The following SUPT3H variants were observed in gnomAD, a reference collection of about 807,000 sequenced individuals.
The protein encoded by SUPT3H is transcription initiation protein SPT3 homolog.
In SUPT3H, 44 loss-of-function variants were observed where a neutral mutation model predicts 44.3. The ratio of observed to expected loss-of-function variants is 0.99; its 90% CI spans 0.78 to 1.28. SUPT3H has a LOEUF of 1.28. SUPT3H is among the 50% of genes most tolerant of loss of function. The pLI is 0.00. For missense variants in SUPT3H, 380 were observed against 387.1 expected (o/e 0.98, Z 0.15); for synonymous variants, 124 against 125.6 (o/e 0.99, Z 0.09).
At chr6:45,295,588 G>GA (rs1165006633) in intron 2 of SUPT3H, among the ~76,000 whole-genome samples, 6 of 121,748 alleles carry the variant, frequency 4.9e-5, no homozygotes, top group African/African-American at 1.8e-4. Context: ...CAAAGTGAGA[G>GA]AAAATCTTCA....
At chr6:44,969,523 A>G (rs557394823) in intron 6 of SUPT3H, among the ~76,000 whole-genome samples, 1 of 152,316 alleles carries the variant, frequency 6.6e-6, no homozygotes, top group South Asian at 2.1e-4. Flanking sequence ...GTGCACACAT[A>G]AAAATAATCA....
intron 10 of SUPT3H, among the ~76,000 whole-genome samples, chr6:44,914,392 C>T (rs1369219056): frequency 1.3e-5 from 2 of 152,180 alleles, no homozygotes; most frequent in Non-Finnish European, 2.9e-5. Context: ...CAGCATGGTG[C>T]TAGGAGCTCA....
intron 2 of SUPT3H, among the ~76,000 whole-genome samples, chr6:45,209,181 T>A (rs1489811561): frequency 6.6e-6 from 1 of 152,180 alleles, no homozygotes; most frequent in South Asian, 2.1e-4. Flanking sequence ...TACGAGGAGA[T>A]GAATGTTGTT....
chr6:44,975,044 G>T (rs957090232), intron 6 of SUPT3H, among the ~76,000 whole-genome samples: 7 of 152,084 alleles, frequency 4.6e-5, no homozygotes, highest in African/African-American at 1.7e-4. Context: ...GGTGGTGGGT[G>T]CCTGTAATCC....
chr6:45,118,393 G>A (rs1036811743), intron 2 of SUPT3H, among the ~76,000 whole-genome samples: 4 of 152,024 alleles, frequency 2.6e-5, no homozygotes, highest in African/African-American at 9.7e-5. Flanking sequence ...ATTTATAATA[G>A]TTAATATCAA....
At chr6:45,061,616 A>T (rs1792048190) in intron 3 of SUPT3H, among the ~76,000 whole-genome samples, 1 of 152,224 alleles carries the variant, frequency 6.6e-6, no homozygotes, top group Non-Finnish European at 1.5e-5. Flanking sequence ...TTGAAGAAAC[A>T]AACAAAAAAA....
chr6:45,215,477 T>C (rs1764883431), intron 2 of SUPT3H, among the ~76,000 whole-genome samples: 1 of 151,692 alleles, frequency 6.6e-6, no homozygotes, highest in African/African-American at 2.4e-5. Flanking sequence ...ACAAGAAAAA[T>C]TATATGAAGT....
intron 11 of SUPT3H, among the ~76,000 whole-genome samples, chr6:44,818,918 T>C (rs1295325560): frequency 1.3e-5 from 2 of 152,228 alleles, no homozygotes; most frequent in Non-Finnish European, 2.9e-5. Flanking sequence ...TTGGTAGTTT[T>C]TTATAAAAAT....
chr6:44,969,119 G>A (rs1777194822), intron 6 of SUPT3H, among the ~76,000 whole-genome samples: 1 of 152,108 alleles, frequency 6.6e-6, no homozygotes, highest in South Asian at 2.1e-4. Context: ...GAAATTATTT[G>A]TTCTTCTAGA....
chr6:45,279,766 T>A (rs1777648982), intron 2 of SUPT3H, among the ~76,000 whole-genome samples: 1 of 152,212 alleles, frequency 6.6e-6, no homozygotes, highest in Non-Finnish European at 1.5e-5. Context: ...AATGTATTTA[T>A]ACAAAGACAT....
intron 6 of SUPT3H, among the ~76,000 whole-genome samples, chr6:44,965,339 G>A (rs1043477850): frequency 2.1e-4 from 32 of 152,124 alleles, no homozygotes; most frequent in African/African-American, 7.7e-4. Context: ...ACCTTGGTGG[G>A]TGATAAAAAT....
At chr6:45,244,502 A>G (rs1451391288) in intron 2 of SUPT3H, among the ~76,000 whole-genome samples, 2 of 152,212 alleles carry the variant, frequency 1.3e-5, no homozygotes, top group African/African-American at 2.4e-5. Flanking sequence ...GTACTCTTGT[A>G]TAAGTGAACA....
At chr6:44,881,734 C>T (rs1778252844) in intron 10 of SUPT3H, among the ~76,000 whole-genome samples, 1 of 152,196 alleles carries the variant, frequency 6.6e-6, no homozygotes, top group South Asian at 2.1e-4. Context: ...AAGAAACTCA[C>T]TAAAAACTGC....
At chr6:45,059,299 A>C (rs1003181017) in intron 3 of SUPT3H, among the ~76,000 whole-genome samples, 4 of 152,194 alleles carry the variant, frequency 2.6e-5, no homozygotes, top group Non-Finnish European at 5.9e-5. Flanking sequence ...AAATCAATAA[A>C]TGTAATTCAT....
intron 2 of SUPT3H, among the ~76,000 whole-genome samples, chr6:45,108,415 T>C (rs1799571809): frequency 6.6e-6 from 1 of 152,244 alleles, no homozygotes; most frequent in South Asian, 2.1e-4. Context: ...TGTGTGTATG[T>C]GTGCATGCAT....
chr6:45,155,659 A>G (rs1285030), intron 2 of SUPT3H, among the ~76,000 whole-genome samples: 132,749 of 152,048 alleles, frequency 0.87, 58,232 homozygotes, highest in African/African-American at 0.92. Context: ...CCTAAAAGAG[A>G]GCATGAAGGA....
chr6:45,343,476 A>C (rs1790239498), intron 2 of SUPT3H, among the ~76,000 whole-genome samples: 1 of 152,136 alleles, frequency 6.6e-6, no homozygotes, highest in South Asian at 2.1e-4. Context: ...TGCACCTCCA[A>C]AAGGCAGCTT....
intron 2 of SUPT3H, among the ~76,000 whole-genome samples, chr6:45,150,550 T>G (rs116182712): frequency 1.3e-5 from 2 of 152,120 alleles, no homozygotes; most frequent in African/African-American, 4.8e-5. Context: ...ATATTGAATA[T>G]AAAGTAAACT....
At chr6:44,948,794 G>T (rs971746750) in intron 9 of SUPT3H, among the ~76,000 whole-genome samples, 1 of 152,108 alleles carries the variant, frequency 6.6e-6, no homozygotes, top group South Asian at 2.1e-4. Flanking sequence ...CTGCTGGTGG[G>T]ACTGTAAACT....
Sources: allele counts gnomAD v4.1 joint callset (sites outside exome capture counted in the v4.1 genomes callset), GRCh38; gene constraint gnomAD v4.1.1; transcripts MANE v1.5; gene names NCBI Gene and HGNC (gene_info 2026-07-23, HGNC 2026-07-21).